TRAPPC9: variants seen among roughly 807,000 people sequenced by gnomAD.
TRAPPC9 encodes the protein IKK2 binding protein.
A neutral mutation model predicts 124.0 loss-of-function variants in TRAPPC9; 83 were observed. That is an observed-to-expected ratio of 0.67 (90% confidence interval 0.56 to 0.80). The LOEUF is 0.80. Among genes scored for constraint, TRAPPC9 ranks in the 30% least tolerant of loss-of-function variants. The pLI, the probability that TRAPPC9 is intolerant of heterozygous loss-of-function variation, is 0.00. For synonymous variants in TRAPPC9, 638 were observed against 617.5 expected (o/e 1.03, Z -0.49); for missense variants, 1,302 against 1,508.3 (o/e 0.86, Z 2.27).
intron 21 of TRAPPC9, among the ~76,000 whole-genome samples, chr8:139,831,075 A>G (rs1054719733): frequency 2.6e-5 from 4 of 152,212 alleles, no homozygotes; most frequent in Admixed American, 2.6e-4. Flanking sequence ...GCCATCTGCT[A>G]AGAGACAGGA....
In TRAPPC9 at chr8:140,353,663, T is replaced by C. The variant is rs868590031; in HGVS notation, c.1495+6387A>G. 6.6e-6 allele frequency among the ~76,000 whole-genome samples: 1 copy of C among 152,230 alleles called. No individual in the cohort carries two copies. The highest frequency in any genetic ancestry group is 1.5e-5 in the Non-Finnish European group (1 of 68,048). On this transcript the variant is annotated intron_variant, in intron 9 of 22. Coordinates refer to ENST00000438773, the MANE Select transcript of TRAPPC9 (RefSeq NM_001160372.4). The surrounding 1 kb of genome is among the most constrained non-coding windows in gnomAD (Gnocchi z 4.2). ...CAGGCCGCGGGCCAGACCTGGTCCA[T>C]AGGCCACGGTTTGCCAAACCCTGCT...
intron 21 of TRAPPC9, among the ~76,000 whole-genome samples, chr8:139,857,298 G>C (rs574394688): frequency 6.6e-6 from 1 of 152,204 alleles, no homozygotes; most frequent in African/African-American, 2.4e-5. Context: ...GATAAAGAGT[G>C]CTAATGAACA....
intron 17 of TRAPPC9, among the ~76,000 whole-genome samples, chr8:140,129,527 G>A (rs924466578): frequency 2.6e-5 from 4 of 152,206 alleles, no homozygotes; most frequent in Non-Finnish European, 5.9e-5. Flanking sequence ...GGGGTGAGCC[G>A]GCACGGGGGA....
At chr8:139,827,588 G>A (rs977321873) in intron 21 of TRAPPC9, among the ~76,000 whole-genome samples, 1 of 152,202 alleles carries the variant, frequency 6.6e-6, no homozygotes, top group African/African-American at 2.4e-5. Flanking sequence ...ACCCAGGCCT[G>A]CCATGTGCTG....
At chr8:140,160,037 A>G (rs942837464) in intron 17 of TRAPPC9, among the ~76,000 whole-genome samples, 3 of 152,264 alleles carry the variant, frequency 2.0e-5, no homozygotes, top group South Asian at 2.1e-4. Context: ...CAACAGACAC[A>G]TGAAAAAACG....
At chr8:139,751,205 A>AGGTGTTAGTCT (rs1819286714) in intron 21 of TRAPPC9, among the ~76,000 whole-genome samples, 1 of 152,230 alleles carries the variant, frequency 6.6e-6, no homozygotes, top group Non-Finnish European at 1.5e-5. Flanking sequence ...CAACTCTGTC[A>AGGTGTTAGTCT]GGTGTTAGTC....
intron 19 of TRAPPC9, among the ~76,000 whole-genome samples, chr8:139,912,036 A>T (rs934753970): frequency 1.4e-4 from 21 of 152,288 alleles, no homozygotes; most frequent in African/African-American, 4.8e-4. Flanking sequence ...CATGGTTTTT[A>T]AAAAAATCAC....
chr8:139,910,420 A>G (rs747114266), intron 19 of TRAPPC9, 120 bp from the exon 20 acceptor site: 3 of 1,068,726 alleles, frequency 2.8e-6, no homozygotes, highest in Non-Finnish European at 1.4e-6. Flanking sequence ...TTAGTAATTC[A>G]TAACGGATTC....
chr8:139,773,494 G>A (rs1821131484), intron 21 of TRAPPC9, among the ~76,000 whole-genome samples: 1 of 152,204 alleles, frequency 6.6e-6, no homozygotes, highest in Admixed American at 6.5e-5. Context: ...ATGATGGGGT[G>A]AGTCCTCCCC....
chr8:139,902,541 C>T (rs1253259209), intron 20 of TRAPPC9, among the ~76,000 whole-genome samples: 1 of 152,204 alleles, frequency 6.6e-6, no homozygotes, highest in Non-Finnish European at 1.5e-5. Flanking sequence ...TTAAGATGAT[C>T]AAGGAATCAG....
In TRAPPC9 at chr8:139,776,113, G is replaced by A. The variant is rs886765285; in HGVS notation, c.3056-43911C>T. ...TGACCAACCTCCTTCCTGAGGACAAGAGGACGAGGCTGGACTCTGCCAGGA... is the reference window on the plus strand; with the variant it reads ...TGACCAACCTCCTTCCTGAGGACAAAAGGACGAGGCTGGACTCTGCCAGGA... On this transcript the variant is annotated intron_variant, in intron 21 of 22. Coordinates refer to ENST00000438773, the MANE Select transcript of TRAPPC9 (RefSeq NM_001160372.4). This position sits in a 1 kb window ranked among gnomAD's most constrained non-coding sequence, Gnocchi z 4.1. Among the ~76,000 whole-genome samples the A allele has an allele frequency of 2.0e-5, 3 of 152,194 alleles. No individual in the cohort carries two copies. Among genetic ancestry groups the A allele is most frequent in the African/African-American group, 7.2e-5 (3 of 41,446 alleles).
intron 9 of TRAPPC9, among the ~76,000 whole-genome samples, chr8:140,328,580 CAGGGGG>C (rs369903775): frequency 6.6e-6 from 1 of 152,040 alleles, no homozygotes; most frequent in Non-Finnish European, 1.5e-5. Context: ...TTTGGGGACT[CAGGGGG>C]AAAGGGTGGG....
chr8:139,791,443 C>A (rs1822669050), intron 21 of TRAPPC9, among the ~76,000 whole-genome samples: 1 of 148,420 alleles, frequency 6.7e-6, no homozygotes, highest in Non-Finnish European at 1.5e-5. Context: ...CTCCTGTGCA[C>A]AGACTCACGG....
At chr8:139,836,099 C>T (rs1826329775) in intron 21 of TRAPPC9, among the ~76,000 whole-genome samples, 1 of 152,142 alleles carries the variant, frequency 6.6e-6, no homozygotes, top group South Asian at 2.1e-4. Flanking sequence ...GCCTCCACTT[C>T]CCAGGTTCAG....
intron 21 of TRAPPC9, among the ~76,000 whole-genome samples, chr8:139,765,785 C>A (rs966396247): frequency 6.6e-6 from 1 of 152,178 alleles, no homozygotes; most frequent in Non-Finnish European, 1.5e-5. Context: ...AAGCCTGTGC[C>A]AGTCTGCCTC....
chr8:140,086,212 G>T (rs1336506606), intron 17 of TRAPPC9, among the ~76,000 whole-genome samples: 1 of 152,156 alleles, frequency 6.6e-6, no homozygotes, highest in Admixed American at 6.5e-5. Context: ...CTACCACAAA[G>T]AAAGTACAAG....
intron 17 of TRAPPC9, among the ~76,000 whole-genome samples, chr8:140,069,566 C>T (rs1843039584): frequency 6.6e-6 from 1 of 151,878 alleles, no homozygotes; most frequent in Admixed American, 6.6e-5. Context: ...GCCTGCAAAT[C>T]ACATTAATAT....
intron 21 of TRAPPC9, among the ~76,000 whole-genome samples, chr8:139,803,041 T>C (rs1223433301): frequency 6.6e-6 from 1 of 152,000 alleles, no homozygotes; most frequent in African/African-American, 2.4e-5. Context: ...TGTGTGTATG[T>C]GAAGGTGTCT....
chr8:139,766,685 A>G (rs560367031), intron 21 of TRAPPC9, among the ~76,000 whole-genome samples: 1 of 152,250 alleles, frequency 6.6e-6, no homozygotes, highest in East Asian at 1.9e-4. Flanking sequence ...CAAGGTGCTC[A>G]ACACACAGTT....
Sources: gnomAD v4.1 joint callset for allele counts (sites outside exome capture counted in the v4.1 genomes callset) on GRCh38, gnomAD v4.1.1 for gene constraint, Gnocchi (gnomAD v3.1) non-coding constraint, MANE v1.5 for transcripts, NCBI Gene and HGNC (gene_info 2026-07-23, HGNC 2026-07-21) for gene names.